Variants in ADGRV1 observed in about 807,000 individuals in gnomAD.
ADGRV1 encodes the protein G-protein coupled receptor 98.
In ADGRV1, 359 loss-of-function variants were observed where a neutral mutation model predicts 596.2. That is an observed-to-expected ratio of 0.60 (90% CI 0.55 to 0.66). The LOEUF (loss-of-function observed/expected upper bound fraction) is 0.66. ADGRV1 is among the 30% of genes least tolerant of loss of function. The pLI is 0.00. For missense variants in ADGRV1, 7,274 were observed against 7,575.6 expected (o/e 0.96, Z 1.48); for synonymous variants, 2,681 against 2,679.2 (o/e 1.00, Z -0.02).
chr5:91,016,104 T>G (rs1273161394), intron 85 of ADGRV1, among the ~76,000 whole-genome samples: 3 of 152,038 alleles, frequency 2.0e-5, no homozygotes, highest in African/African-American at 7.2e-5. Flanking sequence ...AGATCTTATT[T>G]CTCCTTTATG....
chr5:90,588,289 A>G (rs1439799302), intron 1 of ADGRV1, among the ~76,000 whole-genome samples: 7 of 152,244 alleles, frequency 4.6e-5, no homozygotes, highest in Admixed American at 2.6e-4. Context: ...TTCTCTGAAT[A>G]TACTTTCTTA....
At chr5:90,688,490 G>C (rs926460719) in intron 29 of ADGRV1, among the ~76,000 whole-genome samples, 8 of 152,064 alleles carry the variant, frequency 5.3e-5, no homozygotes, top group African/African-American at 1.9e-4. Context: ...CGGGTAGCTG[G>C]GACTACAAGC....
chr5:91,003,779 A>G (rs1203913959), intron 85 of ADGRV1, among the ~76,000 whole-genome samples: 3 of 152,212 alleles, frequency 2.0e-5, no homozygotes, highest in Admixed American at 2.0e-4. Flanking sequence ...AATAATTTTA[A>G]AGAAAAATAT....
rs1348120083 is a variant in ADGRV1, at chr5:90,802,726, T to G, written c.14518-13T>G. On this transcript the variant is annotated splice_polypyrimidine_tract_variant and intron_variant, in intron 70 of 89. Transcript: ENST00000405460. ...AAAATTATTTCTAAATCACTGACAC[T>G]GTTTGTTTATAGGTCTTCCTATCAC... 6.2e-7 allele frequency: 1 copy of G among 1,605,030 alleles called. No homozygotes were observed. Among genetic ancestry groups the G allele is most frequent in the Non-Finnish European group, 8.5e-7 (1 of 1,175,028 alleles).
chr5:90,622,967 C>G lies in ADGRV1; in HGVS notation c.558+266C>G, dbSNP rs111696128. Among the ~76,000 whole-genome samples the G allele has an allele frequency of 0.019, 2,873 of 152,256 alleles. 82 individuals carry two copies. Among genetic ancestry groups the G allele is most frequent in the African/African-American group, 0.065 (2,694 of 41,542 alleles). On this transcript the variant is annotated intron_variant, in intron 5 of 89. Transcript: ENST00000405460. ...TGTTGGCCAGGCTGGTCTTGAACTC[C>G]TGGCCTCAGGTGATCCGCCCGCCTT... is the stretch of plus-strand genomic sequence containing the variant.
At chr5:90,823,808 A>T (rs1239846851) in intron 76 of ADGRV1, among the ~76,000 whole-genome samples, 2 of 151,966 alleles carry the variant, frequency 1.3e-5, no homozygotes, top group Non-Finnish European at 2.9e-5. Context: ...TCATTTTTCT[A>T]TTTTTTTGTT....
chr5:90,750,949 G>A (rs1755182894), intron 53 of ADGRV1, among the ~76,000 whole-genome samples: 1 of 152,114 alleles, frequency 6.6e-6, no homozygotes, highest in Non-Finnish European at 1.5e-5. Flanking sequence ...TACATTCGTT[G>A]GCCACATTGT....
chr5:90,693,796 T>A (rs1027088249), intron 32 of ADGRV1, 94 bp from the exon 33 acceptor site: 58 of 938,258 alleles, frequency 6.2e-5, no homozygotes, highest in South Asian at 1.0e-4. Context: ...AACATTTTTT[T>A]AAAAAACTAA....
At chr5:90,649,907 T>C (rs572061413) in intron 17 of ADGRV1, among the ~76,000 whole-genome samples, 4 of 152,232 alleles carry the variant, frequency 2.6e-5, no homozygotes, top group East Asian at 1.9e-4. Context: ...CAAGATGTGA[T>C]TGGGTTACTG....
chr5:90,669,763 C>T (rs985253088), intron 21 of ADGRV1, among the ~76,000 whole-genome samples: 3 of 152,226 alleles, frequency 2.0e-5, no homozygotes, highest in Admixed American at 6.5e-5. Flanking sequence ...GCTTGTTTCA[C>T]GTGGGTACAA....
intron 86 of ADGRV1, among the ~76,000 whole-genome samples, chr5:91,096,064 T>C (rs1790834985): frequency 6.6e-6 from 1 of 152,220 alleles, no homozygotes; most frequent in African/African-American, 2.4e-5. Context: ...TTGGCTGATA[T>C]CTTAAATCCA....
At chr5:90,797,501 G>A (rs1204170300) in intron 70 of ADGRV1, among the ~76,000 whole-genome samples, 4 of 152,016 alleles carry the variant, frequency 2.6e-5, no homozygotes, top group Admixed American at 2.6e-4. Context: ...CCTACAAAGA[G>A]ACTTAGACTC....
At chr5:91,014,309 G>C (rs1038114291) in intron 85 of ADGRV1, among the ~76,000 whole-genome samples, 1 of 151,948 alleles carries the variant, frequency 6.6e-6, no homozygotes, top group Non-Finnish European at 1.5e-5. Context: ...TTGCATCGAT[G>C]TTTATCAAGG....
At chr5:91,073,839 A>C (rs1788605038) in intron 86 of ADGRV1, among the ~76,000 whole-genome samples, 3 of 152,118 alleles carry the variant, frequency 2.0e-5, no homozygotes, top group African/African-American at 7.2e-5. Context: ...CTGGGACTAC[A>C]TTCATGTGCC....
chr5:90,942,110 C>G (rs1160968752), intron 83 of ADGRV1, among the ~76,000 whole-genome samples: 1 of 152,158 alleles, frequency 6.6e-6, no homozygotes, highest in Admixed American at 6.5e-5. Flanking sequence ...GCCACTTTTT[C>G]TTAGTTGTCG....
At chr5:90,958,610 C>T (rs1463956571) in intron 83 of ADGRV1, among the ~76,000 whole-genome samples, 1 of 152,108 alleles carries the variant, frequency 6.6e-6, no homozygotes, top group East Asian at 1.9e-4. Context: ...TGACTTCATT[C>T]TGAGGCCTCT....
At chr5:90,630,395 C>T (rs1265584913) in intron 9 of ADGRV1, 1 of 152,080 alleles carries the variant, frequency 6.6e-6, no homozygotes, top group Non-Finnish European at 1.5e-5. Flanking sequence ...TAGTAAAGTC[C>T]CCATGACGTA....
chr5:90,605,459 TAGA>T (rs1761999108), intron 1 of ADGRV1, among the ~76,000 whole-genome samples: 2 of 151,818 alleles, frequency 1.3e-5, no homozygotes, highest in Non-Finnish European at 2.9e-5. Context: ...CTTTGTGTAT[TAGA>T]TCAGATATTT....
chr5:90,970,069 G>A (rs1188991396), intron 84 of ADGRV1, among the ~76,000 whole-genome samples: 1 of 152,232 alleles, frequency 6.6e-6, no homozygotes, highest in Non-Finnish European at 1.5e-5. Flanking sequence ...GGCACAACAG[G>A]AGATTATATC....
Sources: gnomAD v4.1 joint callset for allele counts (sites outside exome capture counted in the v4.1 genomes callset) on GRCh38, gnomAD v4.1.1 for gene constraint, MANE v1.5 for transcripts, NCBI Gene and HGNC (gene_info 2026-07-23, HGNC 2026-07-21) for gene names.